ZER1: variants seen among roughly 807,000 people sequenced by gnomAD.
ZER1 encodes the protein protein zer-1 homolog.
Under a neutral mutation model 78.8 loss-of-function variants are expected in ZER1, and 11 were observed. That is an observed-to-expected ratio of 0.14 (90% CI 0.09 to 0.23). The LOEUF is 0.23. Ranked by LOEUF, ZER1 falls within the 10% of genes least tolerant of loss-of-function variation. The pLI is 1.00. For synonymous variants in ZER1, 400 were observed against 407.0 expected, an observed-to-expected ratio of 0.98 and a Z score of 0.21; for missense variants, 588 against 996.9, an observed-to-expected ratio of 0.59 and a Z score of 5.52.
chr9:128,742,446 T>C, intron 9 of ZER1, 84 bp downstream of exon 9: 2 of 1,522,602 alleles, frequency 1.3e-6, no homozygotes, highest in East Asian at 4.5e-5. Context: ...CCCCAGGCCC[T>C]GCTCTGAGAC....
At chr9:128,742,777 T>C in intron 8 of ZER1, 32 bp from the exon 9 acceptor site, 2 of 1,569,016 alleles carry the variant, frequency 1.3e-6, no homozygotes, top group Non-Finnish European at 1.7e-6. Flanking sequence ...GTGGGGCACA[T>C]TCAGGGTCAG....
chr9:128,734,144 A>AAATATATATATATATATAT, intron 14 of ZER1, among the ~76,000 whole-genome samples: 1 of 14,444 alleles, frequency 6.9e-5, no homozygotes, highest in Non-Finnish European at 1.4e-4. Context: ...AAAAAAAAAA[A>AAATATATATATATATATAT]ATATATATAT....
chr9:128,751,630 C>T lies in ZER1; in HGVS notation c.924-103G>A, dbSNP rs1863681538. The T allele has an allele frequency of 4.5e-6, 4 of 894,486 alleles. No individual in the cohort carries two copies. Among genetic ancestry groups the T allele is most frequent in the Middle Eastern group, 2.1e-4 (1 of 4,660 alleles). The allele number at this position is 894,486 out of a possible 1,614,324, so 55.4% of individuals were successfully genotyped here. ...ATTTCCTTGCTTTCTCTTCTAGGCC[C>T]TCCAACCTCATCCCCTACTCCTTTT... is the stretch of plus-strand genomic sequence containing the variant. On this transcript the variant is annotated intron_variant, in intron 5 of 15. Coordinates refer to ENST00000291900, the MANE Select transcript of ZER1 (RefSeq NM_006336.4). This position sits in a 1 kb window ranked among gnomAD's most constrained non-coding sequence, Gnocchi z 5.4.
rs1863718248 is a variant in ZER1 at position 128,752,669 on chromosome 9, C to T, written c.923+4G>A. On this transcript the variant is annotated splice_donor_region_variant and intron_variant, in intron 5 of 15. Coordinates refer to ENST00000291900, the MANE Select transcript of ZER1 (RefSeq NM_006336.4). ...ACCAGTAGCCATGGAGGCTGGGGCC[C>T]CACCTGGTCTGCCCCGCTTCCTCTT... is the stretch of plus-strand genomic sequence containing the variant. 6.2e-7 allele frequency: 1 copy of T among 1,608,876 alleles called. No homozygotes were observed. The highest frequency in any genetic ancestry group is 1.3e-5 in the African/African-American group (1 of 74,790).
intron 14 of ZER1, among the ~76,000 whole-genome samples, chr9:128,733,925 C>T (rs1420264078): frequency 2.2e-5 from 3 of 136,092 alleles, no homozygotes; most frequent in East Asian, 4.3e-4. Context: ...GTCAGGAGAT[C>T]GAGACCATCC....
chr9:128,765,570 T>C (rs1419643114), intron 1 of ZER1, among the ~76,000 whole-genome samples: 3 of 152,052 alleles, frequency 2.0e-5, no homozygotes, highest in Non-Finnish European at 4.4e-5. Flanking sequence ...GGTGGGAGCA[T>C]GGGATCCCAC....
chr9:128,735,356 C>G lies in ZER1; in HGVS notation c.2118G>C (p.Leu706=), dbSNP rs778061593. 1 of 1,613,932 alleles carries G rather than the reference C, an allele frequency of 6.2e-7. No homozygotes were observed. Among genetic ancestry groups the G allele is most frequent in the Admixed American group, 1.7e-5 (1 of 59,988 alleles). ...CACGGTAGACAGACACGAGGTTATA[C>G]AGGGCCCAGGTTGCCCAGTGCTGGC... ...PVSQHWATWA[L]YNLVSVYPDK... The change falls in exon 14 of 16, where the codon CTG becomes CTC. Residue 706 remains leucine (L), a synonymous_variant. Coordinates refer to ENST00000291900, the MANE Select transcript of ZER1 (RefSeq NM_006336.4).
intron 1 of ZER1, among the ~76,000 whole-genome samples, chr9:128,761,115 G>A (rs527600967): frequency 7.1e-6 from 1 of 141,696 alleles, no homozygotes. Flanking sequence ...CCGAGATCGC[G>A]CCACTGCACT....
At chr9:128,772,352 C>T (rs1864412796), upstream of ZER1, 1 of 152,274 alleles carries the variant, frequency 6.6e-6, no homozygotes, top group Non-Finnish European at 1.5e-5. Flanking sequence ...TGCTCCTAAC[C>T]TCCATCTAGG....
rs1167513077 is a variant in ZER1 at position 128,743,777 on chromosome 9, C to T, written c.1360-1032G>A. 2.6e-5 allele frequency among the ~76,000 whole-genome samples: 4 copies of T among 151,366 alleles called. No homozygotes were observed. The East Asian group carries it at 7.8e-4, about 29-fold the overall frequency. ...ACAGGGTCTCACTCTGTCACCCAGG[C>T]TGGAGTGTGGAGGCACAATGTCAGC... On this transcript the variant is annotated intron_variant, in intron 8 of 15. Coordinates refer to ENST00000291900, the MANE Select transcript of ZER1 (RefSeq NM_006336.4).
intron 14 of ZER1, among the ~76,000 whole-genome samples, chr9:128,734,997 TCTC>T: frequency 6.6e-6 from 1 of 152,260 alleles, no homozygotes; most frequent in Non-Finnish European, 1.5e-5. Flanking sequence ...CTCAGGCAAT[TCTC>T]CTGTCTCGGC....
At position 128,753,168 on chromosome 9, in the gene ZER1, G is replaced by T; in HGVS notation, c.742C>A (p.Leu248Met). 1 of 1,539,710 alleles carries T rather than the reference G, an allele frequency of 6.5e-7. No individual in the cohort carries two copies. Residue 248 changes from leucine to methionine, a missense_variant, in exon 4 of 16, where the codon CTG becomes ATG. Physicochemically the swap from Leu to Met is conservative, Grantham distance 15. Around this residue, in one of 3 missense-constraint regions of ZER1, gnomAD observed 406 missense variants for 660.1 expected, o/e 0.62. Transcript: ENST00000291900. The surrounding 1 kb of genome is among the most constrained non-coding windows in gnomAD (Gnocchi z 7.5). ...AGCTCTGGGCCAGGAGCTCACCGCA[G>T]CTTGTGCAGCTGCACGATGACCCGG... ...HIRVIVQLHK[L>M]RHLDISRDRL...
intron 13 of ZER1, among the ~76,000 whole-genome samples, chr9:128,737,033 A>G (rs533156173): frequency 6.6e-6 from 1 of 151,978 alleles, no homozygotes; most frequent in Non-Finnish European, 1.5e-5. Flanking sequence ...AATCCCAGCT[A>G]CTCGGGAGGC....
At position 128,750,714 on chromosome 9, in the gene ZER1, G is replaced by A. The variant is rs1455296758; in HGVS notation, c.1261C>T (p.Leu421=). ...QVTGSAALFY[L]TNSEYRSEQS... is the part of the protein sequence containing the mutation. ...TCTGAGCGGTACTCGGAATTTGTTAGGTAGAAGAGAGCGGCGCTGCCTGTC... is the reference window on the plus strand; with the variant it reads ...TCTGAGCGGTACTCGGAATTTGTTAAGTAGAAGAGAGCGGCGCTGCCTGTC... Residue 421 remains leucine (L), a synonymous_variant, in exon 8 of 16, where the codon CTA becomes TTA. Transcript: ENST00000291900. 1.2e-6 allele frequency: 2 copies of A among 1,614,232 alleles called. No homozygotes were observed. The highest frequency in any genetic ancestry group is 2.2e-5 in the South Asian group (2 of 91,086).
intron 1 of ZER1, among the ~76,000 whole-genome samples, chr9:128,764,863 C>A (rs1465780381): frequency 3.3e-5 from 5 of 152,144 alleles, no homozygotes; most frequent in Admixed American, 3.3e-4. Context: ...TTTCTCCATC[C>A]CTTTTCTTGC....
chr9:128,753,340 A>G lies in ZER1; in HGVS notation c.570T>C (p.Pro190=). The change falls in exon 4 of 16, where the codon CCT becomes CCC. Residue 190 remains proline (P), a synonymous_variant. Transcript: ENST00000291900. The surrounding 1 kb of genome is among the most constrained non-coding windows in gnomAD (Gnocchi z 7.5). ...TAAGCGGCCGCAGCAGGGACTCCAC[A>G]GGGACCCAATCAATCATGCGGCCCA... The part of the protein sequence containing the change: ...LNLGRMIDWV[P]VESLLRPLNS... 3 of 1,613,674 alleles carry G rather than the reference A, an allele frequency of 1.9e-6. No homozygotes were observed. Among genetic ancestry groups the G allele is most frequent in the Non-Finnish European group, 2.5e-6 (3 of 1,179,828 alleles).
intron 9 of ZER1, 102 bp downstream of exon 9, chr9:128,742,428 A>C: frequency 7.2e-7 from 1 of 1,380,420 alleles, no homozygotes; most frequent in Admixed American, 1.9e-5. Context: ...TCCCTCTCCG[A>C]CTCCCAGCCC....
intron 8 of ZER1, among the ~76,000 whole-genome samples, chr9:128,744,791 TTA>T (rs1362474457): frequency 1.3e-5 from 2 of 152,232 alleles, no homozygotes; most frequent in Non-Finnish European, 2.9e-5. Context: ...CCCCCGCTTT[TTA>T]TAGAGATATT....
chr9:128,761,546 A>G (rs1864046640), intron 1 of ZER1, among the ~76,000 whole-genome samples: 1 of 149,598 alleles, frequency 6.7e-6, no homozygotes, highest in Non-Finnish European at 1.5e-5. Context: ...CTCGCCTCCC[A>G]AAATGGTGGA....
Sources: gnomAD v4.1 joint callset for allele counts (sites outside exome capture counted in the v4.1 genomes callset) on GRCh38, gnomAD v4.1.1 for gene constraint, gnomAD v4.1.1 regional missense constraint, Gnocchi (gnomAD v3.1) non-coding constraint, MANE v1.5 for transcripts, NCBI Gene and HGNC (gene_info 2026-07-23, HGNC 2026-07-21) for gene names.